Variants in HTR4 observed in about 807,000 individuals in gnomAD.
HTR4 encodes 5-hydroxytryptamine (serotonin) receptor 4, G protein-coupled.
In HTR4, 16 loss-of-function variants were observed where a neutral mutation model predicts 36.8. The observed-to-expected ratio is 0.43, with a 90% CI of 0.29 to 0.66. HTR4 has a LOEUF of 0.66. Ranked by LOEUF, HTR4 falls within the 30% of genes least tolerant of loss-of-function variation. The pLI is 0.13. For synonymous variants in HTR4, 189 were observed against 185.1 expected (o/e 1.02, Z -0.17); for missense variants, 438 against 490.9 (o/e 0.89, Z 1.02).
chr5:148,464,840 T>A (rs576463315), intron 5 of HTR4, among the ~76,000 whole-genome samples: 4 of 152,154 alleles, frequency 2.6e-5, no homozygotes, highest in Non-Finnish European at 5.9e-5. Flanking sequence ...AAATTTTTAG[T>A]AGGTGAATGG....
intron 2 of HTR4, among the ~76,000 whole-genome samples, chr5:148,615,402 T>A (rs1313133579): frequency 0.049 from 7,290 of 149,270 alleles, 359 homozygotes; most frequent in African/African-American, 0.13. Context: ...AAATTGGAAA[T>A]CATCATTCTC....
Position 148,648,705 on chromosome 5 carries a change from C to CA in HTR4, c.-48+5356dup, listed in dbSNP as rs535994134. 2.6e-3 allele frequency among the ~76,000 whole-genome samples: 394 copies of CA among 152,308 alleles called. 4 individuals carry two copies. The highest frequency in any genetic ancestry group is 9.0e-3 in the African/African-American group (374 of 41,582). ...CCATTGGAAAAATTTACCGCAACCA[C>CA]AAGGATGAGCCCGTGGCAACTATGC... On this transcript the variant is annotated intron_variant, in intron 1 of 6. Coordinates refer to ENST00000377888, the MANE Select transcript of HTR4 (RefSeq NM_000870.7).
At chr5:148,468,531 T>C (rs1352467755) in intron 5 of HTR4, among the ~76,000 whole-genome samples, 2 of 152,198 alleles carry the variant, frequency 1.3e-5, no homozygotes, top group Non-Finnish European at 2.9e-5. Flanking sequence ...GAGGTCTTCT[T>C]GTCCCCTTCC....
chr5:148,590,829 T>A (rs1208759165), intron 2 of HTR4, among the ~76,000 whole-genome samples: 1 of 152,130 alleles, frequency 6.6e-6, no homozygotes, highest in Non-Finnish European at 1.5e-5. Context: ...GAAACTCAAG[T>A]TTAATTACAT....
At position 148,482,303 on chromosome 5, in the gene HTR4, G is replaced by A. The variant is rs201358674; in HGVS notation, c.*900C>T. On this transcript the variant is annotated 3_prime_UTR_variant, in exon 7 of 7. Coordinates refer to ENST00000377888, the MANE Select transcript of HTR4 (RefSeq NM_000870.7). ...TTTCAAAATGATATCACAAGTTCAT[G>A]GGAAAGATCCTGAAGCCTAATAAAC... 5.1e-6 allele frequency: 5 copies of A among 985,480 alleles called. No homozygotes were observed. The highest frequency in any genetic ancestry group is 4.8e-6 in the Non-Finnish European group (4 of 829,992). The allele number at this position is 985,480 out of a possible 1,614,324, so 61.0% of individuals were successfully genotyped here.
intron 4 of HTR4, among the ~76,000 whole-genome samples, chr5:148,547,526 AAAAATAAAATAAAAT>A (rs373070134): frequency 7.2e-5 from 9 of 125,140 alleles, no homozygotes; most frequent in South Asian, 2.6e-4. Context: ...CTCAAAAAAT[AAAAATAAAATAAAAT>A]AAAATAAAAT....
At chr5:148,571,904 A>C (rs111513209) in intron 2 of HTR4, among the ~76,000 whole-genome samples, 2,057 of 152,226 alleles carry the variant, frequency 0.014, 24 homozygotes, top group Non-Finnish European at 0.02. Context: ...GCTGTAATTT[A>C]TTATCTCATG....
At chr5:148,535,879 T>C (rs1487560309) in intron 4 of HTR4, among the ~76,000 whole-genome samples, 1 of 152,020 alleles carries the variant, frequency 6.6e-6, no homozygotes, top group Admixed American at 6.6e-5. Context: ...TCAGGAAATA[T>C]AGAGAACTCC....
chr5:148,596,821 G>C (rs1266607597), intron 2 of HTR4, among the ~76,000 whole-genome samples: 12 of 152,054 alleles, frequency 7.9e-5, no homozygotes, highest in Non-Finnish European at 1.6e-4. Context: ...ACTGAACATT[G>C]ACTCTATGAA....
At chr5:148,473,172 G>C (rs529306874), downstream of HTR4, among the ~76,000 whole-genome samples, 1 of 151,904 alleles carries the variant, frequency 6.6e-6, no homozygotes, top group Non-Finnish European at 1.5e-5. Context: ...GGTTGTGGGC[G>C]CCTGTAGTCC....
At chr5:148,644,853 A>T (rs1386093495) in intron 1 of HTR4, 1 of 152,168 alleles carries the variant, frequency 6.6e-6, no homozygotes, top group African/African-American at 2.4e-5. Flanking sequence ...CAGGTCCATC[A>T]TTGGAAGTCT....
At chr5:148,471,593 C>G (rs1290422566) in intron 5 of HTR4, among the ~76,000 whole-genome samples, 1 of 152,166 alleles carries the variant, frequency 6.6e-6, no homozygotes, top group Non-Finnish European at 1.5e-5. Context: ...AAAAATGGCA[C>G]TAGAAGACTG....
chr5:148,451,256 T>C, exon 6 of HTR4: 1 of 1,613,876 alleles, frequency 6.2e-7, no homozygotes, highest in Non-Finnish European at 8.5e-7. Context: ...TGATGTCCCC[T>C]GTGCAGAACG....
In HTR4 at chr5:148,482,797, A is replaced by G. The variant is rs148009149; in HGVS notation, c.*406T>C. 190 of 1,048,924 alleles carry G rather than the reference A, an allele frequency of 1.8e-4. No individual in the cohort carries two copies. The African/African-American group carries it at 3.0e-3, about 16-fold the overall frequency. 65.0% of individuals were successfully genotyped at this position (1,048,924 alleles called of 1,614,324 possible). ...GGAACAGAGAGGGAGTATTTTGTTG[A>G]TATCTGGAAGCCCACACAGCAAAGA... On this transcript the variant is annotated 3_prime_UTR_variant, in exon 7 of 7. Transcript: ENST00000377888.
intron 6 of HTR4, chr5:148,484,380 C>A (rs1270042445): frequency 1.2e-6 from 2 of 1,609,966 alleles, no homozygotes; most frequent in East Asian, 4.5e-5. Context: ...AAAATCTGTC[C>A]TAGCAGATAA....
At chr5:148,560,674 C>A (rs1412043798) in intron 2 of HTR4, among the ~76,000 whole-genome samples, 2 of 152,134 alleles carry the variant, frequency 1.3e-5, no homozygotes, top group African/African-American at 4.8e-5. Flanking sequence ...TCATAATTAT[C>A]ATTATCATGT....
intron 1 of HTR4, among the ~76,000 whole-genome samples, chr5:148,650,068 A>T (rs1246084415): frequency 6.6e-6 from 1 of 152,012 alleles, no homozygotes; most frequent in Non-Finnish European, 1.5e-5. Flanking sequence ...GTGGGTACAT[A>T]GTAGGGTACA....
chr5:148,649,424 T>C (rs115604645), intron 1 of HTR4, among the ~76,000 whole-genome samples: 1,912 of 152,314 alleles, frequency 0.013, 40 homozygotes, highest in African/African-American at 0.042. Context: ...GGTTTCTCCA[T>C]AGTGCTAATG....
chr5:148,451,984 G>C (rs756413494), intron 5 of HTR4, among the ~76,000 whole-genome samples: 3 of 152,170 alleles, frequency 2.0e-5, no homozygotes, highest in Admixed American at 6.5e-5. Flanking sequence ...TTAGAAGCAT[G>C]TTCACCACTC....
Sources: gnomAD v4.1 joint callset for allele counts (sites outside exome capture counted in the v4.1 genomes callset) on GRCh38, gnomAD v4.1.1 for gene constraint, MANE v1.5 for transcripts, NCBI Gene and HGNC (gene_info 2026-07-23, HGNC 2026-07-21) for gene names.